Variants in STARD13 observed in about 807,000 individuals in gnomAD.
STARD13 encodes StAR related lipid transfer domain containing 13.
A neutral mutation model predicts 106.4 loss-of-function variants in STARD13; 62 were observed. That is an observed-to-expected ratio of 0.58 (90% confidence interval 0.48 to 0.72). The LOEUF (loss-of-function observed/expected upper bound fraction) is 0.72. STARD13 is among the 30% of genes least tolerant of loss of function. STARD13 has a pLI of 0.00. For synonymous variants in STARD13, 565 were observed against 553.0 expected, an observed-to-expected ratio of 1.02 and a Z score of -0.31; for missense variants, 1,387 against 1,424.0, an observed-to-expected ratio of 0.97 and a Z score of 0.42.
chr13:33,423,107 A>G, the STARD13 span, among the ~76,000 whole-genome samples: 1 of 152,238 alleles, frequency 6.6e-6, no homozygotes, highest in African/African-American at 2.4e-5. Flanking sequence ...GATCTAATTA[A>G]ACTGAAGAGC....
chr13:33,335,586 C>A (rs1293954348), intron 1 of STARD13, among the ~76,000 whole-genome samples: 1 of 152,240 alleles, frequency 6.6e-6, no homozygotes, highest in Non-Finnish European at 1.5e-5. Context: ...CCTCTCCCAG[C>A]CTTGGAGGTC....
chr13:33,592,965 A>T, the STARD13 span, among the ~76,000 whole-genome samples: 34 of 152,044 alleles, frequency 2.2e-4, no homozygotes, highest in Non-Finnish European at 3.4e-4. Context: ...TATCATGGGG[A>T]GAGGCTGAAG....
At chr13:33,267,413 TC>T (rs1890949628) in intron 1 of STARD13, among the ~76,000 whole-genome samples, 1 of 152,222 alleles carries the variant, frequency 6.6e-6, no homozygotes, top group South Asian at 2.1e-4. Context: ...CCAACAGCTA[TC>T]ATGAGAACTG....
At chr13:33,661,223 T>C in the STARD13 span, 3 of 152,182 alleles carry the variant, frequency 2.0e-5, no homozygotes, top group Admixed American at 1.3e-4. Flanking sequence ...TGACCTAAAC[T>C]GGAGGATAAA....
At chr13:33,348,090 G>A (rs2078035537), downstream of STARD13, among the ~76,000 whole-genome samples, 1 of 152,172 alleles carries the variant, frequency 6.6e-6, no homozygotes, top group African/African-American at 2.4e-5. Flanking sequence ...GGATTGTTTG[G>A]TCCCAGCTGA....
chr13:33,352,277 C>T (rs1291443388), upstream of STARD13, among the ~76,000 whole-genome samples: 18 of 152,182 alleles, frequency 1.2e-4, no homozygotes, highest in African/African-American at 2.4e-4. Context: ...AACAAGACTC[C>T]TGTTGTCTTA....
the STARD13 span, among the ~76,000 whole-genome samples, chr13:33,625,555 C>T: frequency 2.7e-5 from 4 of 150,312 alleles, no homozygotes; most frequent in East Asian, 1.9e-4. Flanking sequence ...GGCGACAGAG[C>T]GAGACTGTCT....
intron 7 of STARD13, among the ~76,000 whole-genome samples, chr13:33,123,729 G>T (rs1393542962): frequency 6.6e-6 from 1 of 152,216 alleles, no homozygotes; most frequent in African/African-American, 2.4e-5. Flanking sequence ...GCATGCAGGA[G>T]TGTGGAAGAC....
chr13:33,376,613 C>A, the STARD13 span, among the ~76,000 whole-genome samples: 23 of 151,748 alleles, frequency 1.5e-4, no homozygotes, highest in Middle Eastern at 6.8e-3. Context: ...ATAGCCAGAC[C>A]CCATCTTTAA....
chr13:33,582,328 G>C, the STARD13 span, among the ~76,000 whole-genome samples: 1 of 152,110 alleles, frequency 6.6e-6, no homozygotes, highest in Non-Finnish European at 1.5e-5. Context: ...TCTGACCCCT[G>C]TTCTTACTTT....
the STARD13 span, among the ~76,000 whole-genome samples, chr13:33,626,082 A>G: frequency 6.6e-6 from 1 of 152,186 alleles, no homozygotes; most frequent in East Asian, 1.9e-4. Flanking sequence ...AAACTTTTAT[A>G]TGAGAGACTC....
At chr13:33,285,878 C>A, upstream of STARD13, 1 of 830,098 alleles carries the variant, frequency 1.2e-6, no homozygotes, top group Admixed American at 4.0e-5. Context: ...GCCCTAAGCC[C>A]CGACCAGAGG....
chr13:33,218,763 T>C (rs1330210579), intron 1 of STARD13, among the ~76,000 whole-genome samples: 1 of 152,236 alleles, frequency 6.6e-6, no homozygotes, highest in African/African-American at 2.4e-5. Flanking sequence ...TTTCATTCAG[T>C]TGTCTGTGAA....
chr13:33,297,841 A>G (rs1892556887), intron 1 of STARD13, among the ~76,000 whole-genome samples: 1 of 152,222 alleles, frequency 6.6e-6, no homozygotes, highest in Non-Finnish European at 1.5e-5. Context: ...GATATAAGAC[A>G]GACAGACAAG....
At chr13:33,481,985 A>G in the STARD13 span, among the ~76,000 whole-genome samples, 1 of 148,910 alleles carries the variant, frequency 6.7e-6, no homozygotes, top group Non-Finnish European at 1.5e-5. Flanking sequence ...TCCGTCTCGA[A>G]AAAAAAAAAA....
chr13:33,365,267 C>T, the STARD13 span, among the ~76,000 whole-genome samples: 2 of 152,032 alleles, frequency 1.3e-5, no homozygotes, highest in African/African-American at 2.4e-5. Flanking sequence ...CTTTGAGGCT[C>T]CTAATAGAGA....
the STARD13 span, among the ~76,000 whole-genome samples, chr13:33,538,285 T>A: frequency 6.6e-6 from 1 of 152,188 alleles, no homozygotes; most frequent in Non-Finnish European, 1.5e-5. Flanking sequence ...TTGGAAGTTG[T>A]TTCAGAGGCT....
chr13:33,319,324 T>C (rs186879395), intron 1 of STARD13, among the ~76,000 whole-genome samples: 7 of 152,298 alleles, frequency 4.6e-5, no homozygotes, highest in African/African-American at 1.4e-4. Context: ...TCTATGTATA[T>C]GAAATGTGCA....
intron 1 of STARD13, among the ~76,000 whole-genome samples, chr13:33,238,650 G>A (rs1359875147): frequency 2.6e-5 from 4 of 152,084 alleles, no homozygotes; most frequent in Non-Finnish European, 5.9e-5. Flanking sequence ...GAGAAAACCT[G>A]ACTTGATGGT....
Sources: gnomAD v4.1 joint callset for allele counts (sites outside exome capture counted in the v4.1 genomes callset) on GRCh38, gnomAD v4.1.1 for gene constraint, MANE v1.5 for transcripts, NCBI Gene and HGNC (gene_info 2026-07-23, HGNC 2026-07-21) for gene names.